CHD6: variants seen among roughly 807,000 people sequenced by gnomAD.
CHD6 encodes the protein chromodomain helicase DNA binding protein 6.
CHD6 carries 50 observed loss-of-function variants against 276.9 expected under a neutral mutation model. That is an observed-to-expected ratio of 0.18 (90% CI 0.14 to 0.23). The LOEUF (loss-of-function observed/expected upper bound fraction) is 0.23, where lower values mean the gene tolerates loss of function less well. Among genes scored for constraint, CHD6 ranks in the 10% least tolerant of loss-of-function variants. The pLI, the probability that CHD6 is intolerant of heterozygous loss-of-function variation, is 1.00. For synonymous variants in CHD6, 1,173 were observed against 1,229.3 expected (o/e 0.95, Z 0.96); for missense variants, 2,564 against 3,365.8 (o/e 0.76, Z 5.89).
intron 3 of CHD6, among the ~76,000 whole-genome samples, chr20:41,516,675 C>G (rs2044260569): frequency 6.6e-6 from 1 of 152,036 alleles, no homozygotes; most frequent in South Asian, 2.1e-4. Context: ...GGCTCTGTGT[C>G]TGGATAACAG....
chr20:41,533,835 T>G (rs2044753936), intron 2 of CHD6, among the ~76,000 whole-genome samples: 1 of 152,182 alleles, frequency 6.6e-6, no homozygotes, highest in Non-Finnish European at 1.5e-5. Flanking sequence ...CTAAAAATTG[T>G]GCTGTTCTGT....
intron 36 of CHD6, among the ~76,000 whole-genome samples, chr20:41,410,230 G>A (rs1359131162): frequency 1.3e-5 from 2 of 152,168 alleles, no homozygotes; most frequent in East Asian, 1.9e-4. Context: ...GTTTAGGACG[G>A]TGATTAGGTC....
intron 36 of CHD6, among the ~76,000 whole-genome samples, 164 bp downstream of exon 36, chr20:41,411,979 CA>C (rs1292257865): frequency 6.6e-6 from 1 of 152,196 alleles, no homozygotes; most frequent in Non-Finnish European, 1.5e-5. Context: ...AATGCCACAG[CA>C]CCATTTCTTG....
intron 8 of CHD6, 69 bp downstream of exon 8, chr20:41,497,314 GA>G: frequency 1.0e-6 from 1 of 993,200 alleles, no homozygotes; most frequent in Non-Finnish European, 1.6e-6. Flanking sequence ...CTTGGACTTA[GA>G]AACGTAAACA....
At chr20:41,436,277 C>G (rs941336543) in intron 27 of CHD6, among the ~76,000 whole-genome samples, 1 of 152,300 alleles carries the variant, frequency 6.6e-6, no homozygotes, top group Middle Eastern at 3.4e-3. Flanking sequence ...ATTTAGCCAT[C>G]AGGGAAATGC....
At chr20:41,501,166 G>T (rs527985795) in intron 5 of CHD6, among the ~76,000 whole-genome samples, 63 of 152,284 alleles carry the variant, frequency 4.1e-4, no homozygotes, top group African/African-American at 1.5e-3. Context: ...CATTATTTAT[G>T]GAGTGCTTTT....
chr20:41,427,333 G>A (rs954383048), intron 27 of CHD6, among the ~76,000 whole-genome samples: 5 of 152,018 alleles, frequency 3.3e-5, no homozygotes, highest in Admixed American at 1.3e-4. Flanking sequence ...TCTCTCTTAC[G>A]CAGAACAGCG....
At chr20:41,610,489 C>T (rs535665420) in intron 1 of CHD6, among the ~76,000 whole-genome samples, 3 of 152,196 alleles carry the variant, frequency 2.0e-5, no homozygotes, top group Middle Eastern at 3.4e-3. Context: ...AGGCCGGGTG[C>T]GGTAGCTCAC....
chr20:41,548,177 T>C (rs139150744), intron 2 of CHD6, among the ~76,000 whole-genome samples: 103 of 152,370 alleles, frequency 6.8e-4, no homozygotes, highest in African/African-American at 2.4e-3. Context: ...GTTATCAGTA[T>C]GGCCTACCAT....
At chr20:41,588,612 G>A (rs4812531) in intron 1 of CHD6, among the ~76,000 whole-genome samples, 60,049 of 151,928 alleles carry the variant, frequency 0.4, 15,102 homozygotes, top group African/African-American at 0.7. Flanking sequence ...AGGAGAGTGA[G>A]GAATTGAGAC....
rs1413273190 is a variant in CHD6 at position 41,497,462 on chromosome 20, G to C, written c.1014C>G (p.Leu338=). Residue 338 remains leucine (L), a synonymous_variant, in exon 8 of 37, where the codon CTC becomes CTG. Coordinates refer to ENST00000373233, the MANE Select transcript of CHD6 (RefSeq NM_032221.5). The part of the protein sequence containing the change: ...LHCKWATMEE[L]EKDPRIAQKI... ...TCTGTGCGATGCGAGGATCCTTTTC[G>C]AGCTCTTCCATTGTGGCCCATTTAC... The C allele has an allele frequency of 1.2e-6, 2 of 1,613,772 alleles. No homozygotes were observed. The highest frequency in any genetic ancestry group is 1.1e-5 in the South Asian group (1 of 91,072).
rs867077676 is a variant in CHD6, at chr20:41,615,746, G to A, written c.-24+2594C>T. On this transcript the variant is annotated intron_variant, in intron 1 of 36. Coordinates refer to ENST00000373233, the MANE Select transcript of CHD6 (RefSeq NM_032221.5). ...GGTGGTCCATGAGTGATCTCATTTAGTAATTACCAATTAAAGTCTTTCCAT... is the reference window on the plus strand; with the variant it reads ...GGTGGTCCATGAGTGATCTCATTTAATAATTACCAATTAAAGTCTTTCCAT... Among the ~76,000 whole-genome samples the A allele has an allele frequency of 5.9e-5, 9 of 152,308 alleles. No individual in the cohort carries two copies. The Middle Eastern group carries it at 0.014, about 230-fold the overall frequency.
At chr20:41,454,584 A>C (rs906514712) in intron 20 of CHD6, 42 bp downstream of exon 20, 1 of 1,437,378 alleles carries the variant, frequency 7.0e-7, no homozygotes, top group South Asian at 1.2e-5. Flanking sequence ...CATGTATGAC[A>C]TAAGTGAATG....
intron 20 of CHD6, among the ~76,000 whole-genome samples, chr20:41,453,648 C>G (rs2048307465): frequency 6.6e-6 from 1 of 152,172 alleles, no homozygotes; most frequent in South Asian, 2.1e-4. Flanking sequence ...TGCTTCCCAA[C>G]ACGGAAGGCT....
intron 1 of CHD6, among the ~76,000 whole-genome samples, chr20:41,617,989 G>T (rs1317717941): frequency 2.1e-5 from 3 of 145,362 alleles, no homozygotes; most frequent in African/African-American, 7.4e-5. Context: ...CGCCAGGCCC[G>T]CGGCCGGGGT....
chr20:41,534,037 C>T (rs1440894178), intron 2 of CHD6, among the ~76,000 whole-genome samples: 2 of 152,152 alleles, frequency 1.3e-5, no homozygotes, highest in African/African-American at 4.8e-5. Flanking sequence ...AAAAGTACAG[C>T]CCCCCAAAGT....
rs1437283350 is a variant in CHD6 at position 41,403,411 on chromosome 20, T to C, written c.*1182A>G. 23 of 1,061,866 alleles carry C rather than the reference T, an allele frequency of 2.2e-5. No homozygotes were observed. Among genetic ancestry groups the C allele is most frequent in the Non-Finnish European group, 2.6e-5 (23 of 877,086 alleles). 65.8% of individuals were successfully genotyped at this position (1,061,866 alleles called of 1,614,324 possible). On this transcript the variant is annotated 3_prime_UTR_variant, in exon 37 of 37. Coordinates refer to ENST00000373233, the MANE Select transcript of CHD6 (RefSeq NM_032221.5). ...CAGTTTCTTTCTCAGTTCCTAAACA[T>C]GGAGAAGCTGAGGAAGAAGAGAAAA...
At chr20:41,588,821 T>A (rs6513733) in intron 1 of CHD6, among the ~76,000 whole-genome samples, 1 of 152,126 alleles carries the variant, frequency 6.6e-6, no homozygotes, top group East Asian at 1.9e-4. Flanking sequence ...TCTCCCCTTA[T>A]AGGATATGGT....
intron 1 of CHD6, among the ~76,000 whole-genome samples, chr20:41,609,317 G>C (rs1193575193): frequency 6.6e-6 from 1 of 152,096 alleles, no homozygotes. Context: ...CAGAGATCTA[G>C]AACTTGACAT....
Sources: gnomAD v4.1 joint callset for allele counts (sites outside exome capture counted in the v4.1 genomes callset) on GRCh38, gnomAD v4.1.1 for gene constraint, MANE v1.5 for transcripts, NCBI Gene and HGNC (gene_info 2026-07-23, HGNC 2026-07-21) for gene names.